Variants in ZSWIM6 observed in about 807,000 individuals in gnomAD.
ZSWIM6 encodes zinc finger SWIM domain-containing protein 6.
A neutral mutation model predicts 113.2 loss-of-function variants in ZSWIM6; 9 were observed. The ratio of observed to expected loss-of-function variants is 0.08; its 90% CI spans 0.05 to 0.14. ZSWIM6 has a LOEUF of 0.14. Among genes scored for constraint, ZSWIM6 ranks in the 10% least tolerant of loss-of-function variants. The pLI, the probability that ZSWIM6 is intolerant of heterozygous loss-of-function variation, is 1.00. For missense variants in ZSWIM6, 1,162 were observed against 1,552.2 expected, an observed-to-expected ratio of 0.75 and a Z score of 4.22; for synonymous variants, 611 against 606.5, an observed-to-expected ratio of 1.01 and a Z score of -0.11.
At chr5:61,385,670 A>C (rs146717782) in intron 1 of ZSWIM6, among the ~76,000 whole-genome samples, 1 of 152,306 alleles carries the variant, frequency 6.6e-6, no homozygotes, top group Non-Finnish European at 1.5e-5. Context: ...TCCTCTGTAT[A>C]GCACATACTG....
intron 1 of ZSWIM6, among the ~76,000 whole-genome samples, chr5:61,364,300 T>C (rs1204654270): frequency 6.6e-6 from 1 of 152,222 alleles, no homozygotes; most frequent in Non-Finnish European, 1.5e-5. Context: ...TGGTAGGTTT[T>C]TTGCATATAC....
intron 1 of ZSWIM6, chr5:61,391,066 A>G (rs1745697361): frequency 1.4e-6 from 1 of 739,040 alleles, no homozygotes; most frequent in East Asian, 2.5e-5. Context: ...TTTCTGCCAA[A>G]TGCATGCCAC....
In ZSWIM6 at chr5:61,410,175, A is replaced by G. The variant is rs565647193; in HGVS notation, c.677-62506A>G. ...AGATACAAAACTACGAAAACTCAGG[A>G]CCAGCCTTGGCAAAAGGCAACATGT... On this transcript the variant is annotated intron_variant, in intron 1 of 13. Transcript: ENST00000252744. Among the ~76,000 whole-genome samples, 13 of 152,284 alleles carry G rather than the reference A, an allele frequency of 8.5e-5. No homozygotes were observed. In the South Asian group the frequency reaches 2.5e-3, roughly 29 times the overall value.
At chr5:61,490,436 A>G (rs1399611730) in intron 2 of ZSWIM6, among the ~76,000 whole-genome samples, 15 of 152,130 alleles carry the variant, frequency 9.9e-5, no homozygotes, top group Admixed American at 7.9e-4. Context: ...TCTTTGAAAG[A>G]CATTTTTTCC....
intron 4 of ZSWIM6, among the ~76,000 whole-genome samples, chr5:61,496,527 A>G (rs1245642708): frequency 2.0e-5 from 3 of 152,120 alleles, no homozygotes; most frequent in Non-Finnish European, 4.4e-5. Flanking sequence ...TCTGCTTTGG[A>G]ATTAAATGCT....
chr5:61,342,429 G>A (rs1255905515), intron 1 of ZSWIM6, among the ~76,000 whole-genome samples: 1 of 152,054 alleles, frequency 6.6e-6, no homozygotes, highest in East Asian at 1.9e-4. Flanking sequence ...ATGAGTTAGG[G>A]ACCATTATTG....
intron 4 of ZSWIM6, among the ~76,000 whole-genome samples, chr5:61,518,479 T>G (rs1448669732): frequency 5.3e-5 from 8 of 152,060 alleles, no homozygotes. Flanking sequence ...ATGATTGCCA[T>G]TCTAACTGGT....
intron 1 of ZSWIM6, among the ~76,000 whole-genome samples, chr5:61,392,094 T>C (rs755651924): frequency 4.6e-5 from 7 of 152,200 alleles, no homozygotes; most frequent in Non-Finnish European, 1.0e-4. Flanking sequence ...AACTGTGACA[T>C]TGATAGGGTG....
chr5:61,441,496 A>G (rs1746833223), intron 1 of ZSWIM6, among the ~76,000 whole-genome samples: 2 of 152,208 alleles, frequency 1.3e-5, no homozygotes, highest in African/African-American at 4.8e-5. Flanking sequence ...GCAAAAAATA[A>G]ATGTATACAT....
chr5:61,461,130 A>G (rs1747315570), intron 1 of ZSWIM6, among the ~76,000 whole-genome samples: 1 of 152,198 alleles, frequency 6.6e-6, no homozygotes, highest in Admixed American at 6.5e-5. Context: ...CACAAATGTG[A>G]CTGCAGCTAT....
In ZSWIM6 at chr5:61,406,316, G is replaced by A. The variant is rs79793234; in HGVS notation, c.677-66365G>A. 9.9e-3 allele frequency among the ~76,000 whole-genome samples: 1,502 copies of A among 152,234 alleles called. 75 individuals are homozygous for A. The East Asian group carries it at 0.16, about 16-fold the overall frequency. On this transcript the variant is annotated intron_variant, in intron 1 of 13. Transcript: ENST00000252744. ...CATTTGTATACTTAATATATTAATAGTATATTACTTGTTTATCAGTATGAT... is the reference window on the plus strand; with the variant it reads ...CATTTGTATACTTAATATATTAATAATATATTACTTGTTTATCAGTATGAT...
chr5:61,539,454 G>A (rs1468062855), intron 11 of ZSWIM6, 142 bp from the exon 12 acceptor site: 12 of 979,878 alleles, frequency 1.2e-5, no homozygotes, highest in Non-Finnish European at 1.7e-5. Context: ...GAACATGTTA[G>A]GTAAATTAAC....
intron 4 of ZSWIM6, among the ~76,000 whole-genome samples, chr5:61,496,108 A>C (rs1054865604): frequency 6.6e-6 from 1 of 152,078 alleles, no homozygotes; most frequent in African/African-American, 2.4e-5. Context: ...CAGAAATATA[A>C]ATTTTTATTA....
intron 4 of ZSWIM6, among the ~76,000 whole-genome samples, chr5:61,500,939 G>C (rs974603143): frequency 1.3e-5 from 2 of 152,082 alleles, no homozygotes; most frequent in Non-Finnish European, 2.9e-5. Flanking sequence ...GGCTCTGTAG[G>C]CTCTGCAGAC....
chr5:61,539,022 A>AT lies in ZSWIM6; in HGVS notation c.2539+59dup, dbSNP rs1366053367. ...AATTGTTTCATTCGTTTGCCTGTTT[A>AT]TTTTTTTTAAGTCTTGTTTTCTATC... is the stretch of plus-strand genomic sequence containing the variant. On this transcript the variant is annotated intron_variant, in intron 11 of 13. Transcript: ENST00000252744. The AT allele has an allele frequency of 4.0e-5, 57 of 1,434,018 alleles. No homozygotes were observed. The South Asian group carries it at 4.5e-4, about 11-fold the overall frequency. The allele number at this position is 1,434,018 out of a possible 1,614,324, so 88.8% of individuals were successfully genotyped here. A position where few individuals can be genotyped will look rare whatever the true frequency, so the allele number is the denominator to read the frequency against.
At chr5:61,443,639 T>G (rs1254743118) in intron 1 of ZSWIM6, among the ~76,000 whole-genome samples, 1 of 152,180 alleles carries the variant, frequency 6.6e-6, no homozygotes. Flanking sequence ...GTCCATAAAA[T>G]AGTCATTGAT....
At chr5:61,517,729 G>T (rs1748987364) in intron 4 of ZSWIM6, among the ~76,000 whole-genome samples, 1 of 151,028 alleles carries the variant, frequency 6.6e-6, no homozygotes, top group South Asian at 2.1e-4. Flanking sequence ...AGAGCCTGGG[G>T]ATTGTTTAAA....
chr5:61,362,675 A>T (rs1310761248), intron 1 of ZSWIM6, among the ~76,000 whole-genome samples: 1 of 151,970 alleles, frequency 6.6e-6, no homozygotes, highest in Non-Finnish European at 1.5e-5. Context: ...CTTTTCTCCT[A>T]CCTGATGCCC....
At position 61,389,631 on chromosome 5, in the gene ZSWIM6, C is replaced by G. The variant is rs545349847; in HGVS notation, c.676+56683C>G. Among the ~76,000 whole-genome samples the G allele has an allele frequency of 2.0e-5, 3 of 150,120 alleles. No individual in the cohort carries two copies. The East Asian group carries it at 5.9e-4, about 29-fold the overall frequency. ...GAAAGCGAGAAAGTCTTCAGTGATT[C>G]AAGGTCTAAATGCATTTGGAAATTA... On this transcript the variant is annotated intron_variant, in intron 1 of 13. Coordinates refer to ENST00000252744, the MANE Select transcript of ZSWIM6 (RefSeq NM_020928.2).
Sources: gnomAD v4.1 joint callset for allele counts (sites outside exome capture counted in the v4.1 genomes callset) on GRCh38, gnomAD v4.1.1 for gene constraint, MANE v1.5 for transcripts, NCBI Gene and HGNC (gene_info 2026-07-23, HGNC 2026-07-21) for gene names.